Variants in ABLIM3 observed in about 807,000 individuals in gnomAD.
ABLIM3 encodes actin binding LIM protein family member 3, also known as actin-binding LIM protein 3.
A neutral mutation model predicts 109.5 loss-of-function variants in ABLIM3; 61 were observed. The ratio of observed to expected loss-of-function variants is 0.56; its 90% confidence interval spans 0.45 to 0.69. The LOEUF is 0.69. ABLIM3 is among the 30% of genes least tolerant of loss of function. ABLIM3 has a pLI of 0.00. For synonymous variants in ABLIM3, 300 were observed against 324.8 expected, an observed-to-expected ratio of 0.92 and a Z score of 0.82; for missense variants, 796 against 889.5, an observed-to-expected ratio of 0.89 and a Z score of 1.34.
chr5:149,223,623 T>C (rs1042789243), intron 8 of ABLIM3, among the ~76,000 whole-genome samples: 4 of 152,126 alleles, frequency 2.6e-5, no homozygotes, highest in Admixed American at 6.5e-5. Flanking sequence ...GGCCCCATGC[T>C]CTCCTGCCCA....
At chr5:149,258,126 C>T (rs1360534345) in intron 23 of ABLIM3, among the ~76,000 whole-genome samples, 165 bp from the exon 24 acceptor site, 1 of 152,190 alleles carries the variant, frequency 6.6e-6, no homozygotes, top group Non-Finnish European at 1.5e-5. Context: ...ACTCATTCAA[C>T]AAATATTCAT....
intron 2 of ABLIM3, among the ~76,000 whole-genome samples, chr5:149,149,428 T>A (rs1240989268): frequency 6.6e-6 from 1 of 152,220 alleles, no homozygotes; most frequent in Non-Finnish European, 1.5e-5. Context: ...CTAAATCCTC[T>A]GATTAAAAAT....
At chr5:149,212,765 T>C (rs1759686724) in intron 7 of ABLIM3, among the ~76,000 whole-genome samples, 2 of 152,146 alleles carry the variant, frequency 1.3e-5, no homozygotes, top group African/African-American at 4.8e-5. Context: ...GGCAGAAACA[T>C]GGCGAGTACC....
intron 2 of ABLIM3, among the ~76,000 whole-genome samples, chr5:149,156,392 C>T (rs1263262258): frequency 6.6e-6 from 1 of 152,128 alleles, no homozygotes; most frequent in Non-Finnish European, 1.5e-5. Context: ...ATGTGAGATG[C>T]TTAGCACAGT....
At chr5:149,193,383 T>C (rs11749534) in intron 3 of ABLIM3, among the ~76,000 whole-genome samples, 55,283 of 151,798 alleles carry the variant, frequency 0.36, 10,220 homozygotes, top group East Asian at 0.53. Context: ...AAAAGTTTAA[T>C]TTAGAAATAA....
rs528324921 is a variant in ABLIM3, at chr5:149,257,521, C to T, written c.1939-770C>T. 5.3e-5 allele frequency among the ~76,000 whole-genome samples: 8 copies of T among 152,218 alleles called. No homozygotes were observed. The South Asian group carries it at 1.0e-3, about 20-fold the overall frequency. ...TTCATTTTGAAAAACTGTAGCTATC[C>T]AGGAAAGTTTCAAGAATAGTAAAAT... On this transcript the variant is annotated intron_variant, in intron 23 of 23. Transcript: ENST00000309868.
At chr5:149,230,590 G>T in intron 8 of ABLIM3, 59 bp from the exon 9 acceptor site, 1 of 1,566,410 alleles carries the variant, frequency 6.4e-7, no homozygotes. Flanking sequence ...GGTGGGACAT[G>T]GGGAGAGTGC....
chr5:149,163,029 G>A (rs141415811), intron 2 of ABLIM3, among the ~76,000 whole-genome samples: 6 of 152,352 alleles, frequency 3.9e-5, no homozygotes, highest in Admixed American at 2.0e-4. Context: ...CAGGGTCTGC[G>A]ACAGGCTGGG....
chr5:149,239,173 C>T (rs1370585795), intron 11 of ABLIM3, 75 bp from the exon 12 acceptor site: 16 of 1,465,766 alleles, frequency 1.1e-5, no homozygotes, highest in Non-Finnish European at 1.5e-5. Context: ...TCTAACCATG[C>T]TCTGTCCTTC....
At chr5:149,185,202 C>T (rs11168093) in intron 3 of ABLIM3, among the ~76,000 whole-genome samples, 1 of 152,034 alleles carries the variant, frequency 6.6e-6, no homozygotes, top group African/African-American at 2.4e-5. Context: ...GGAAGTGTTT[C>T]CCAGTTTCTA....
chr5:149,246,620 C>G, intron 17 of ABLIM3, 74 bp downstream of exon 17: 1 of 1,479,944 alleles, frequency 6.8e-7, no homozygotes, highest in Non-Finnish European at 9.2e-7. Flanking sequence ...TTACAAGCAA[C>G]AAAAAACAGA....
intron 9 of ABLIM3, among the ~76,000 whole-genome samples, chr5:149,231,823 A>C (rs943892135): frequency 6.6e-6 from 1 of 152,164 alleles, no homozygotes; most frequent in Non-Finnish European, 1.5e-5. Flanking sequence ...TTTTCTTTAC[A>C]TCAAGTCACT....
At chr5:149,235,368 G>T (rs1762248091) in intron 10 of ABLIM3, among the ~76,000 whole-genome samples, 1 of 152,304 alleles carries the variant, frequency 6.6e-6, no homozygotes, top group South Asian at 2.1e-4. Context: ...AAACGAGCAG[G>T]TTCTTTCAAA....
chr5:149,188,329 A>C (rs1351817959), intron 3 of ABLIM3, among the ~76,000 whole-genome samples: 1 of 152,248 alleles, frequency 6.6e-6, no homozygotes, highest in East Asian at 1.9e-4. Context: ...ATATAAGATC[A>C]AATACCAAAA....
chr5:149,213,902 A>T (rs1759801012), intron 7 of ABLIM3, among the ~76,000 whole-genome samples: 1 of 152,064 alleles, frequency 6.6e-6, no homozygotes, highest in Non-Finnish European at 1.5e-5. Context: ...TGAGACCAAG[A>T]CATGCAGTGT....
rs70973514 is a variant in ABLIM3 at position 149,227,070 on chromosome 5, C to CAA, written c.758-3558_758-3557dup. ...GGGCAATAAGAGCGAAACTCCATCT[C>CAA]AAAAAAAAAAAAAAAAAAAAAAGCC... On this transcript the variant is annotated intron_variant, in intron 8 of 23. Coordinates refer to ENST00000309868, the MANE Select transcript of ABLIM3 (RefSeq NM_014945.5). 3.2e-3 allele frequency among the ~76,000 whole-genome samples: 305 copies of CAA among 95,760 alleles called. 1 individual carries two copies. The highest frequency in any genetic ancestry group is 9.4e-3 in the African/African-American group (219 of 23,366). 62.8% of individuals were successfully genotyped at this position (95,760 alleles called of 152,430 possible).
At chr5:149,216,637 T>C in intron 7 of ABLIM3, 1 of 292,596 alleles carries the variant, frequency 3.4e-6, no homozygotes, top group Non-Finnish European at 6.4e-6. Context: ...TGCTGGGATG[T>C]CCTCAAAGCA....
chr5:149,220,130 GCAA>G (rs1760496670), intron 8 of ABLIM3: 1 of 152,140 alleles, frequency 6.6e-6, no homozygotes, highest in African/African-American at 2.4e-5. Context: ...CATTCATTTA[GCAA>G]ATATCTATTG....
In ABLIM3 at chr5:149,198,548, A is replaced by G. The variant is rs1426615116; in HGVS notation, c.335+146A>G. ...GGAACCTCAGGTGTGGAGGGATCTG[A>G]TGGGCCAGTGGTTTTCAAACACTGT... On this transcript the variant is annotated intron_variant, in intron 4 of 23. Coordinates refer to ENST00000309868, the MANE Select transcript of ABLIM3 (RefSeq NM_014945.5). This position sits in a 1 kb window ranked among gnomAD's most constrained non-coding sequence, Gnocchi z 4.2. 2.1e-5 allele frequency: 19 copies of G among 924,204 alleles called. No homozygotes were observed. The allele number at this position is 924,204 out of a possible 1,614,324, so 57.3% of individuals were successfully genotyped here.
Sources: allele counts gnomAD v4.1 joint callset (sites outside exome capture counted in the v4.1 genomes callset), GRCh38; gene constraint gnomAD v4.1.1; non-coding constraint Gnocchi (gnomAD v3.1); transcripts MANE v1.5; gene names NCBI Gene and HGNC (gene_info 2026-07-23, HGNC 2026-07-21).